GDA: variants seen among roughly 807,000 people sequenced by gnomAD.
The protein encoded by GDA is guanine deaminase.
GDA carries 18 observed loss-of-function variants against 59.6 expected under a neutral mutation model. The observed-to-expected ratio is 0.30, with a 90% CI of 0.21 to 0.45. GDA has a LOEUF of 0.45. Ranked by LOEUF, GDA falls within the 20% of genes least tolerant of loss-of-function variation. GDA has a pLI of 1.00. For missense variants in GDA, 427 were observed against 552.3 expected, an observed-to-expected ratio of 0.77 and a Z score of 2.27; for synonymous variants, 201 against 201.1, an observed-to-expected ratio of 1.00 and a Z score of 0.00.
chr9:72,146,755 G>A (rs1198260297), upstream of GDA, among the ~76,000 whole-genome samples: 1 of 152,188 alleles, frequency 6.6e-6, no homozygotes, highest in African/African-American at 2.4e-5. Flanking sequence ...GCCTCCCAAA[G>A]TGCTGGGATT....
At chr9:72,200,444 T>C (rs1833844749) in intron 2 of GDA, among the ~76,000 whole-genome samples, 1 of 151,868 alleles carries the variant, frequency 6.6e-6, no homozygotes, top group African/African-American at 2.4e-5. Flanking sequence ...TCCTCTCCTT[T>C]TTCTTTCTCC....
At position 72,126,163 on chromosome 9, in the gene GDA, A is replaced by C. The variant is rs142619259; in HGVS notation, c.-100+11330A>C. On this transcript the variant is annotated intron_variant, in intron 1 of 13. Coordinates refer to the GDA transcript ENST00000545168. ...GAACTCCTGACCTCAGGCAATCCAAAGTGATGGGATTACGGACGTGAGCCA... is the reference window on the plus strand; with the variant it reads ...GAACTCCTGACCTCAGGCAATCCAACGTGATGGGATTACGGACGTGAGCCA... 5.0e-3 allele frequency among the ~76,000 whole-genome samples: 766 copies of C among 152,182 alleles called. 4 individuals carry two copies. Among genetic ancestry groups the C allele is most frequent in the African/African-American group, 0.017 (705 of 41,516 alleles).
Position 72,250,181 on chromosome 9 carries a change from A to C in GDA, c.*1839A>C. ...TTATCACTCAACCCCTGCCAAAGGA[A>C]CTTGATTACATGGTGTCTAACCAAA... On this transcript the variant is annotated 3_prime_UTR_variant, in exon 14 of 14. Coordinates refer to ENST00000358399, the MANE Select transcript of GDA (RefSeq NM_004293.5). The C allele has an allele frequency of 1.0e-6, 1 of 984,546 alleles. No homozygotes were observed. Among genetic ancestry groups the C allele is most frequent in the Non-Finnish European group, 1.2e-6 (1 of 829,110 alleles). The allele number at this position is 984,546 out of a possible 1,614,324, so 61.0% of individuals were successfully genotyped here. A position where few individuals can be genotyped will look rare whatever the true frequency, so the allele number is the denominator to read the frequency against.
chr9:72,128,810 T>C (rs1564148454), intron 1 of GDA, among the ~76,000 whole-genome samples: 1 of 151,956 alleles, frequency 6.6e-6, no homozygotes, highest in Admixed American at 6.6e-5. Flanking sequence ...TACGTGGTAA[T>C]AAAAATAAAA....
chr9:72,157,011 T>G (rs1302080924), intron 1 of GDA, among the ~76,000 whole-genome samples: 1 of 149,638 alleles, frequency 6.7e-6, no homozygotes, highest in Non-Finnish European at 1.5e-5. Context: ...AACTGTCTAC[T>G]ATCAGACTTC....
At chr9:72,206,851 A>G (rs931406896) in intron 3 of GDA, among the ~76,000 whole-genome samples, 1 of 151,818 alleles carries the variant, frequency 6.6e-6, no homozygotes, top group Non-Finnish European at 1.5e-5. Flanking sequence ...GTCTTCATTC[A>G]TTTTTGTTGG....
intron 10 of GDA, among the ~76,000 whole-genome samples, chr9:72,240,165 C>T (rs930707430): frequency 6.6e-6 from 1 of 152,134 alleles, no homozygotes; most frequent in Admixed American, 6.5e-5. Flanking sequence ...TTTCATTCTT[C>T]ATTTAATGAT....
In GDA at chr9:72,245,264, G is replaced by A. The variant is rs1840025788; in HGVS notation, c.1252G>A (p.Gly418Ser). The change falls in exon 12 of 14, where the codon GGT becomes AGT. Residue 418 changes from glycine to serine, a missense_variant. Physicochemically the swap from Gly to Ser is moderately conservative, Grantham distance 56. Transcript: ENST00000358399. Reference protein sequence around the residue: ...PIDLFYGDFFGDISEAVIQKF... With the variant: ...PIDLFYGDFFSDISEAVIQKF... ...TGACCTGTTTTATGGGGACTTTTTT[G>A]GTGATATTTCTGAGGTAAGTAAAAG... is the stretch of plus-strand genomic sequence containing the variant. 6.2e-7 allele frequency: 1 copy of A among 1,610,620 alleles called. No individual in the cohort carries two copies. Among genetic ancestry groups the A allele is most frequent in the East Asian group, 2.2e-5 (1 of 44,852 alleles).
intron 1 of GDA, among the ~76,000 whole-genome samples, chr9:72,195,113 A>T (rs751095295): frequency 6.6e-6 from 1 of 152,180 alleles, no homozygotes; most frequent in Non-Finnish European, 1.5e-5. Context: ...CCTGATTTGT[A>T]GTTCTTATGA....
At chr9:72,238,147 C>T (rs760544634) in intron 10 of GDA, among the ~76,000 whole-genome samples, 1 of 152,296 alleles carries the variant, frequency 6.6e-6, no homozygotes, top group South Asian at 2.1e-4. Flanking sequence ...ACTCTCTCCT[C>T]CTCACCCTGG....
intron 1 of GDA, chr9:72,114,958 A>G (rs1364145720): frequency 2.6e-5 from 4 of 152,106 alleles, no homozygotes; most frequent in Admixed American, 1.3e-4. Flanking sequence ...CCTGGTACAG[A>G]GGTAAGTTTA....
chr9:72,226,394 ACTGT>A (rs1837590806), intron 8 of GDA, among the ~76,000 whole-genome samples: 1 of 152,248 alleles, frequency 6.6e-6, no homozygotes, highest in South Asian at 2.1e-4. Context: ...TTAGAAAAAA[ACTGT>A]CTGAAAGACA....
downstream of GDA, among the ~76,000 whole-genome samples, chr9:72,256,134 A>G (rs1344144564): frequency 1.3e-5 from 2 of 152,226 alleles, no homozygotes; most frequent in Non-Finnish European, 2.9e-5. Flanking sequence ...CATACTTAAA[A>G]AAGGTTAATT....
At chr9:72,247,246 T>C (rs747817717) in intron 12 of GDA, among the ~76,000 whole-genome samples, 160 bp from the exon 13 acceptor site, 1 of 152,220 alleles carries the variant, frequency 6.6e-6, no homozygotes, top group Non-Finnish European at 1.5e-5. Context: ...GGGAGGTTTT[T>C]ATAAAGCACA....
At chr9:72,185,160 A>G (rs1831710415) in intron 1 of GDA, among the ~76,000 whole-genome samples, 2 of 152,218 alleles carry the variant, frequency 1.3e-5, no homozygotes, top group Admixed American at 1.3e-4. Flanking sequence ...AGTTCAATAG[A>G]CACAATATGG....
At chr9:72,225,924 A>T in intron 8 of GDA, 140 bp downstream of exon 8, 2 of 539,184 alleles carry the variant, frequency 3.7e-6, no homozygotes, top group Non-Finnish European at 6.6e-6. Flanking sequence ...TTTTGTGGGT[A>T]CACAGAAAGT....
chr9:72,185,201 C>A (rs559789429), intron 1 of GDA, among the ~76,000 whole-genome samples: 2 of 152,292 alleles, frequency 1.3e-5, no homozygotes, highest in East Asian at 3.9e-4. Context: ...TACTGTCTCA[C>A]CCTTTAGGGA....
At position 72,249,632 on chromosome 9, in the gene GDA, A is replaced by G; in HGVS notation, c.*1290A>G. On this transcript the variant is annotated 3_prime_UTR_variant, in exon 14 of 14. Transcript: ENST00000358399. The stretch of plus-strand genomic sequence containing the variant: ...AGAATTAAAACCAAATTATGACCTT[A>G]TGATAAATCTTTAAGTATTGGTGTG... The G allele has an allele frequency of 1.5e-6, 1 of 650,734 alleles. No individual in the cohort carries two copies. The highest frequency in any genetic ancestry group is 1.9e-6 in the Non-Finnish European group (1 of 524,758). 40.3% of individuals were successfully genotyped at this position (650,734 alleles called of 1,614,324 possible).
chr9:72,153,681 G>A (rs544357675), intron 1 of GDA, among the ~76,000 whole-genome samples: 27 of 151,484 alleles, frequency 1.8e-4, no homozygotes, highest in African/African-American at 6.3e-4. Context: ...TCCTTTGTAG[G>A]GACATGGATG....
Sources: gnomAD v4.1 joint callset for allele counts (sites outside exome capture counted in the v4.1 genomes callset) on GRCh38, gnomAD v4.1.1 for gene constraint, MANE v1.5 for transcripts, NCBI Gene and HGNC (gene_info 2026-07-23, HGNC 2026-07-21) for gene names.